The following TSEN2 variants were observed in gnomAD, a reference collection of about 807,000 sequenced individuals.
The protein encoded by TSEN2 is tRNA splicing endonuclease subunit 2.
TSEN2 carries 54 observed loss-of-function variants against 59.2 expected under a neutral mutation model. The ratio of observed to expected loss-of-function variants is 0.91; its 90% CI spans 0.73 to 1.14. The LOEUF is 1.14. TSEN2 is among the 50% of genes most tolerant of loss of function. TSEN2 has a pLI of 0.00. For synonymous variants in TSEN2, 195 were observed against 198.2 expected, an observed-to-expected ratio of 0.98 and a Z score of 0.14; for missense variants, 636 against 576.2, an observed-to-expected ratio of 1.10 and a Z score of -1.06.
chr3:12,525,968 T>G (rs1224675258), intron 8 of TSEN2, among the ~76,000 whole-genome samples: 1 of 152,120 alleles, frequency 6.6e-6, no homozygotes, highest in Non-Finnish European at 1.5e-5. Context: ...TCAGCTCCGT[T>G]ATAATCTTAT....
chr3:12,535,804 T>C (rs1400847987), downstream of TSEN2, among the ~76,000 whole-genome samples: 1 of 152,136 alleles, frequency 6.6e-6, no homozygotes. Flanking sequence ...AGTGCTGGGA[T>C]TTTCCTAACT....
upstream of TSEN2, among the ~76,000 whole-genome samples, chr3:12,482,086 A>G (rs2052199916): frequency 6.6e-6 from 1 of 152,152 alleles, no homozygotes; most frequent in Admixed American, 6.5e-5. Context: ...CGAGAATGCA[A>G]AAGAAATGAG....
chr3:12,527,612 G>A (rs1052686799), intron 8 of TSEN2, among the ~76,000 whole-genome samples: 10 of 152,080 alleles, frequency 6.6e-5, no homozygotes, highest in African/African-American at 2.4e-4. Context: ...ATGTAATTGT[G>A]TCGTTATGGC....
At position 12,490,003 on chromosome 3, in the gene TSEN2, G is replaced by A; in HGVS notation, c.189+14G>A. The A allele has an allele frequency of 6.2e-7, 1 of 1,613,626 alleles. No individual in the cohort carries two copies. The highest frequency in any genetic ancestry group is 1.3e-5 in the African/African-American group (1 of 75,022). On this transcript the variant is annotated intron_variant, in intron 2 of 11. Coordinates refer to ENST00000284995, the MANE Select transcript of TSEN2 (RefSeq NM_025265.4). ...CTCTATGGGAAAGTAAGTGCAGGCA[G>A]CCTTGGTAAGATTACTTTCAGACAA...
At chr3:12,511,990 G>T (rs1028121831) in intron 6 of TSEN2, among the ~76,000 whole-genome samples, 7 of 152,196 alleles carry the variant, frequency 4.6e-5, no homozygotes, top group African/African-American at 1.4e-4. Flanking sequence ...AGATGAAATG[G>T]GAAGAAAATA....
At chr3:12,516,461 TG>T (rs2056128579) in intron 6 of TSEN2, 149 bp from the exon 7 acceptor site, 11 of 658,300 alleles carry the variant, frequency 1.7e-5, no homozygotes, top group Non-Finnish European at 2.7e-5. Context: ...TGTGTGTGTG[TG>T]TGTGTGTGTG....
chr3:12,487,687 C>T (rs1383264865), intron 1 of TSEN2, among the ~76,000 whole-genome samples: 2 of 135,552 alleles, frequency 1.5e-5, no homozygotes, highest in Non-Finnish European at 3.1e-5. Flanking sequence ...TATTGTCTCT[C>T]CAATTGAGTA....
intron 4 of TSEN2, among the ~76,000 whole-genome samples, chr3:12,499,742 C>T (rs2054105019): frequency 6.6e-6 from 1 of 152,158 alleles, no homozygotes; most frequent in Admixed American, 6.5e-5. Flanking sequence ...AGTGATGGGC[C>T]TGTGTGTCAT....
rs1449767141 is a variant in TSEN2 at position 12,532,857 on chromosome 3, T to G, written c.*136T>G. On this transcript the variant is annotated 3_prime_UTR_variant, in exon 12 of 12. Coordinates refer to ENST00000284995, the MANE Select transcript of TSEN2 (RefSeq NM_025265.4). The stretch of plus-strand genomic sequence containing the variant: ...GCTCCCAGCACCAGAAAACTATCAG[T>G]GTTTTTAAAGATAAATTACACAAGG... The G allele has an allele frequency of 1.2e-6, 1 of 821,358 alleles. No individual in the cohort carries two copies. Among genetic ancestry groups the G allele is most frequent in the African/African-American group, 1.7e-5 (1 of 58,494 alleles). 50.9% of individuals were successfully genotyped at this position (821,358 alleles called of 1,614,324 possible).
Position 12,519,189 on chromosome 3 carries a change from C to T in TSEN2, c.1091C>T (p.Thr364Ile). The T allele has an allele frequency of 6.2e-7, 1 of 1,614,144 alleles. No homozygotes were observed. The highest frequency in any genetic ancestry group is 8.5e-7 in the Non-Finnish European group (1 of 1,180,038). Residue 364 changes from threonine (T) to isoleucine (I), a missense_variant, in exon 8 of 12, where the codon ACA (threonine) becomes ATA (isoleucine). Physicochemically the swap from Thr to Ile is moderately conservative, Grantham distance 89. Coordinates refer to ENST00000284995, the MANE Select transcript of TSEN2 (RefSeq NM_025265.4). The stretch of plus-strand genomic sequence containing the variant: ...CCCAAAGTGGGACTCAAGTACGGGA[C>T]AGATTTACGTAAGTAATTCTTGGCG... ...WVPKVGLKYG[T>I]DLLLYRKGPP...
intron 2 of TSEN2, among the ~76,000 whole-genome samples, 176 bp downstream of exon 2, chr3:12,490,165 TGTTAGG>T (rs1465285765): frequency 4.6e-5 from 7 of 152,328 alleles, no homozygotes; most frequent in Admixed American, 2.6e-4. Context: ...AAAAGCCATA[TGTTAGG>T]GTAATAGAAT....
chr3:12,525,188 A>AC (rs2125214716), intron 8 of TSEN2, among the ~76,000 whole-genome samples: 1 of 152,242 alleles, frequency 6.6e-6, no homozygotes, highest in Admixed American at 6.5e-5. Context: ...CTCTTAGCAC[A>AC]CGTAGGTGAT....
rs2052419544 is a variant in TSEN2, at chr3:12,484,777, G to C, written c.-121G>C. On this transcript the variant is annotated 5_prime_UTR_variant, in exon 1 of 12. Coordinates refer to ENST00000284995, the MANE Select transcript of TSEN2 (RefSeq NM_025265.4). ...AAACGCCGGCGCCTTGTTCAGGGCT[G>C]GTGGGGCTGGGGCGCAAGGTGCAGC... The C allele has an allele frequency of 6.6e-6, 1 of 152,270 alleles. No individual in the cohort carries two copies. Among genetic ancestry groups the C allele is most frequent in the South Asian group, 2.1e-4 (1 of 4,834 alleles). 9.4% of individuals were successfully genotyped at this position (152,270 alleles called of 1,614,324 possible).
intron 4 of TSEN2, among the ~76,000 whole-genome samples, chr3:12,501,155 C>T (rs1222989314): frequency 6.6e-6 from 1 of 152,174 alleles, no homozygotes; most frequent in Admixed American, 6.5e-5. Context: ...GGCCATGTTC[C>T]AGGTGAGAAG....
At chr3:12,489,233 G>C (rs1249541597) in intron 1 of TSEN2, among the ~76,000 whole-genome samples, 1 of 152,190 alleles carries the variant, frequency 6.6e-6, no homozygotes, top group African/African-American at 2.4e-5. Context: ...AATAACTGCT[G>C]CTGTCATTAT....
At chr3:12,537,004 C>CA (rs11285937), downstream of TSEN2, among the ~76,000 whole-genome samples, 115 of 138,298 alleles carry the variant, frequency 8.3e-4, no homozygotes, top group East Asian at 2.0e-3. Flanking sequence ...AACTCCGTCT[C>CA]AAAAAAAAAA....
At chr3:12,536,325 A>G (rs371207021), downstream of TSEN2, among the ~76,000 whole-genome samples, 5 of 152,236 alleles carry the variant, frequency 3.3e-5, no homozygotes, top group East Asian at 5.8e-4. Context: ...CATGCTGTAG[A>G]GGCTTTGGAA....
chr3:12,512,370 A>G (rs957733525), intron 6 of TSEN2, among the ~76,000 whole-genome samples: 1 of 152,216 alleles, frequency 6.6e-6, no homozygotes, highest in Non-Finnish European at 1.5e-5. Context: ...ACTTCTTGGA[A>G]ATTGTGCTTT....
At chr3:12,513,121 A>G (rs867082856) in intron 6 of TSEN2, among the ~76,000 whole-genome samples, 3 of 152,240 alleles carry the variant, frequency 2.0e-5, no homozygotes, top group African/African-American at 4.8e-5. Flanking sequence ...CGCATTTTGC[A>G]TAGATGATCA....
Sources: gnomAD v4.1 joint callset for allele counts (sites outside exome capture counted in the v4.1 genomes callset) on GRCh38, gnomAD v4.1.1 for gene constraint, MANE v1.5 for transcripts, NCBI Gene and HGNC (gene_info 2026-07-23, HGNC 2026-07-21) for gene names.